Variants in REEP1 observed in about 807,000 individuals in gnomAD.
The protein encoded by REEP1 is receptor expression-enhancing protein 1.
REEP1 carries 22 observed loss-of-function variants against 40.3 expected under a neutral mutation model. The observed-to-expected ratio is 0.55, with a 90% CI of 0.39 to 0.78. The LOEUF is 0.78. REEP1 is among the 30% of genes least tolerant of loss of function. REEP1 has a pLI of 0.00. For missense variants in REEP1, 280 were observed against 361.1 expected, an observed-to-expected ratio of 0.78 and a Z score of 1.82; for synonymous variants, 116 against 139.2, an observed-to-expected ratio of 0.83 and a Z score of 1.17.
intron 3 of REEP1, among the ~76,000 whole-genome samples, chr2:86,260,898 G>A (rs1307731513): frequency 6.6e-6 from 1 of 152,186 alleles, no homozygotes; most frequent in African/African-American, 2.4e-5. Flanking sequence ...GTTTTAAGCT[G>A]TTAAATTTGT....
intron 4 of REEP1, among the ~76,000 whole-genome samples, chr2:86,252,840 G>C (rs1360792590): frequency 2.0e-5 from 3 of 152,200 alleles, no homozygotes; most frequent in Non-Finnish European, 2.9e-5. Context: ...CATGCAACAA[G>C]GTAAAGGTGA....
intron 5 of REEP1, among the ~76,000 whole-genome samples, chr2:86,250,006 G>A (rs1676180526): frequency 6.6e-6 from 1 of 152,224 alleles, no homozygotes; most frequent in African/African-American, 2.4e-5. Context: ...GTTATTTCCT[G>A]AGGCAACTTT....
intron 5 of REEP1, among the ~76,000 whole-genome samples, chr2:86,234,700 A>G (rs1675212395): frequency 6.6e-6 from 1 of 152,222 alleles, no homozygotes; most frequent in South Asian, 2.1e-4. Context: ...TTTGGAGGAT[A>G]TTATATGAAA....
At chr2:86,317,213 A>C (rs987413994) in intron 1 of REEP1, among the ~76,000 whole-genome samples, 1 of 152,226 alleles carries the variant, frequency 6.6e-6, no homozygotes, top group Non-Finnish European at 1.5e-5. Flanking sequence ...GTCAAAAGAC[A>C]TAACAGCCAA....
intron 1 of REEP1, among the ~76,000 whole-genome samples, chr2:86,317,234 T>A (rs1435570373): frequency 6.6e-6 from 1 of 152,138 alleles, no homozygotes; most frequent in East Asian, 1.9e-4. Flanking sequence ...ATTCAGTGTG[T>A]GAACTCTAAT....
intron 1 of REEP1, among the ~76,000 whole-genome samples, chr2:86,309,011 C>T (rs530558420): frequency 6.6e-6 from 1 of 152,346 alleles, no homozygotes; most frequent in East Asian, 1.9e-4. Flanking sequence ...ACCTCCCACA[C>T]TGTCATGAAT....
Position 86,254,694 on chromosome 2 carries a change from C to T in REEP1, c.303G>A (p.Lys101=). 1 of 1,613,330 alleles carries T rather than the reference C, an allele frequency of 6.2e-7. No homozygotes were observed. The highest frequency in any genetic ancestry group is 2.2e-5 in the East Asian group (1 of 44,882). ...FVHPTLSSKE[K]EIDDCLVQAK... ...TGAAAGACATGGCAGCATATATTAC[C>T]TTTTCTTTTGAAGATAGCGTGGGAT... is the stretch of plus-strand genomic sequence containing the variant. The change falls in exon 4 of 9, where the codon AAG becomes AAA. Residue 101 remains lysine, a splice_region_variant and synonymous_variant. Transcript: ENST00000538924.
intron 8 of REEP1, among the ~76,000 whole-genome samples, chr2:86,217,492 A>G (rs1379180047): frequency 6.6e-6 from 1 of 152,056 alleles, no homozygotes; most frequent in Admixed American, 6.5e-5. Context: ...AACCAGCCTA[A>G]TGTGTTTTGG....
chr2:86,302,835 C>T (rs1679312256), intron 1 of REEP1, among the ~76,000 whole-genome samples: 1 of 152,062 alleles, frequency 6.6e-6, no homozygotes. Flanking sequence ...TTATTTTCTT[C>T]TTTATCCTTT....
At chr2:86,229,870 C>T (rs1315789729) in intron 6 of REEP1, among the ~76,000 whole-genome samples, 1 of 152,060 alleles carries the variant, frequency 6.6e-6, no homozygotes, top group African/African-American at 2.4e-5. Context: ...CCTCAGCCTC[C>T]CAAAGTGCTG....
At chr2:86,220,990 C>T (rs1445663113) in intron 7 of REEP1, among the ~76,000 whole-genome samples, 1 of 152,184 alleles carries the variant, frequency 6.6e-6, no homozygotes, top group African/African-American at 2.4e-5. Flanking sequence ...CACACACACA[C>T]ATTTTTCTAT....
chr2:86,252,188 C>T, intron 4 of REEP1, 118 bp from the exon 5 acceptor site: 1 of 775,244 alleles, frequency 1.3e-6, no homozygotes, highest in East Asian at 2.6e-5. Context: ...CTTGCTGGGC[C>T]TGAAAAGCTG....
upstream of REEP1, chr2:86,337,632 C>T (rs1021690636): frequency 1.9e-4 from 204 of 1,085,262 alleles, no homozygotes; most frequent in Middle Eastern, 4.1e-4. This position sits in a 1 kb window ranked among gnomAD's most constrained non-coding sequence, Gnocchi z 5.8. Flanking sequence ...AGACTGAGCG[C>T]GCCCGCCGCC....
At chr2:86,275,421 G>C (rs890825670) in intron 2 of REEP1, among the ~76,000 whole-genome samples, 1 of 152,228 alleles carries the variant, frequency 6.6e-6, no homozygotes, top group Non-Finnish European at 1.5e-5. Flanking sequence ...TCCAGGGCTA[G>C]CCTTGCCCCA....
chr2:86,227,518 C>T (rs1323382120), intron 6 of REEP1, 120 bp from the exon 7 acceptor site: 3 of 795,760 alleles, frequency 3.8e-6, no homozygotes, highest in Non-Finnish European at 5.1e-6. Flanking sequence ...TATAGGGATC[C>T]CAGGAAGGTG....
chr2:86,261,257 C>A (rs1462947781), intron 3 of REEP1, among the ~76,000 whole-genome samples: 3 of 152,126 alleles, frequency 2.0e-5, no homozygotes, highest in Non-Finnish European at 4.4e-5. Context: ...TTGACTGGGC[C>A]GGCCTCTACT....
intron 7 of REEP1, among the ~76,000 whole-genome samples, chr2:86,224,476 G>A (rs895469006): frequency 6.6e-6 from 1 of 152,208 alleles, no homozygotes; most frequent in Non-Finnish European, 1.5e-5. Context: ...GGCCTGCAGA[G>A]TGCAGGGGCT....
At chr2:86,269,420 A>G (rs1023192919) in intron 2 of REEP1, among the ~76,000 whole-genome samples, 5 of 152,240 alleles carry the variant, frequency 3.3e-5, no homozygotes, top group Admixed American at 3.3e-4. Flanking sequence ...CTCCTAGATT[A>G]TAACACTTTA....
intron 2 of REEP1, among the ~76,000 whole-genome samples, chr2:86,279,642 T>C (rs1479243147): frequency 6.6e-6 from 1 of 152,144 alleles, no homozygotes; most frequent in Admixed American, 6.5e-5. Context: ...GGAGAACCTT[T>C]CCCAGTGAGC....
Sources: allele counts gnomAD v4.1 joint callset (sites outside exome capture counted in the v4.1 genomes callset), GRCh38; gene constraint gnomAD v4.1.1; non-coding constraint Gnocchi (gnomAD v3.1); transcripts MANE v1.5; gene names NCBI Gene and HGNC (gene_info 2026-07-23, HGNC 2026-07-21).